The following ADGB variants were observed in gnomAD, a reference collection of about 807,000 sequenced individuals.
ADGB encodes the protein androglobin, also known as calpain-7-like protein.
In ADGB, 172 loss-of-function variants were observed where a neutral mutation model predicts 210.5. The ratio of observed to expected loss-of-function variants is 0.82; its 90% CI spans 0.72 to 0.93. The LOEUF (loss-of-function observed/expected upper bound fraction) is 0.93, where lower values mean the gene tolerates loss of function less well. ADGB is among the 40% of genes least tolerant of loss of function. ADGB has a pLI of 0.00. For missense variants in ADGB, 2,025 were observed against 1,964.8 expected (o/e 1.03, Z -0.58); for synonymous variants, 658 against 662.7 (o/e 0.99, Z 0.11).
intron 1 of ADGB, among the ~76,000 whole-genome samples, chr6:146,600,093 T>C (rs973146677): frequency 6.6e-6 from 1 of 152,152 alleles, no homozygotes; most frequent in Non-Finnish European, 1.5e-5. Context: ...CCCAGACTCA[T>C]TCCCATGTCT....
chr6:146,669,410 C>T (rs577042944), intron 7 of ADGB, among the ~76,000 whole-genome samples: 10 of 152,004 alleles, frequency 6.6e-5, no homozygotes, highest in Non-Finnish European at 1.0e-4. Flanking sequence ...CTCAACTCCC[C>T]GTTTCTTCTC....
intron 10 of ADGB, among the ~76,000 whole-genome samples, chr6:146,686,427 T>A (rs1776234950): frequency 1.3e-5 from 2 of 152,104 alleles, no homozygotes; most frequent in South Asian, 2.1e-4. Context: ...GCATATATAC[T>A]CTGATTTTTC....
intron 19 of ADGB, 131 bp downstream of exon 19, chr6:146,726,328 T>C (rs562683269): frequency 2.7e-4 from 147 of 542,016 alleles, no homozygotes; most frequent in Non-Finnish European, 1.6e-4. Flanking sequence ...TTCAAGCAAT[T>C]CTCCTTGCCT....
chr6:146,790,421 C>T (rs946688133), intron 33 of ADGB, among the ~76,000 whole-genome samples: 2 of 152,150 alleles, frequency 1.3e-5, no homozygotes, highest in Non-Finnish European at 2.9e-5. Context: ...TTAGATTCCA[C>T]ATATAAATGA....
chr6:146,650,534 G>GTT lies in ADGB; in HGVS notation c.331-3591_331-3590dup, dbSNP rs60334118. ...AGGTAAACTAGAAAATAATTCACAT[G>GTT]TTTTTTTTTTTCCTGCACAAAGCTT... On this transcript the variant is annotated intron_variant, in intron 3 of 35. Transcript: ENST00000397944. Among the ~76,000 whole-genome samples, 422 of 99,818 alleles carry GTT rather than the reference G, an allele frequency of 4.2e-3. 1 individual carries two copies. Among genetic ancestry groups the GTT allele is most frequent in the Non-Finnish European group, 6.8e-3 (355 of 52,226 alleles). 65.5% of individuals were successfully genotyped at this position (99,818 alleles called of 152,430 possible).
intron 27 of ADGB, among the ~76,000 whole-genome samples, chr6:146,760,124 A>G (rs1236095706): frequency 6.6e-6 from 1 of 151,858 alleles, no homozygotes; most frequent in Non-Finnish European, 1.5e-5. Context: ...TTAATTTTTT[A>G]TTAAAGTATA....
intron 33 of ADGB, among the ~76,000 whole-genome samples, chr6:146,800,264 A>G (rs888306637): frequency 3.9e-5 from 6 of 152,180 alleles, no homozygotes; most frequent in Non-Finnish European, 5.9e-5. Flanking sequence ...GAATTTTACC[A>G]TATGACCCAG....
intron 16 of ADGB, among the ~76,000 whole-genome samples, chr6:146,721,081 G>T (rs190399371): frequency 2.6e-5 from 4 of 152,236 alleles, no homozygotes; most frequent in Admixed American, 6.5e-5. Flanking sequence ...GTACTACTCT[G>T]CCCTGGGCTC....
chr6:146,773,671 A>G (rs919728241), intron 29 of ADGB, among the ~76,000 whole-genome samples: 1 of 152,188 alleles, frequency 6.6e-6, no homozygotes, highest in African/African-American at 2.4e-5. Context: ...CTAAGTTTGC[A>G]TAGGTTCGAA....
At chr6:146,772,439 C>A (rs1777664394) in intron 29 of ADGB, among the ~76,000 whole-genome samples, 1 of 126,080 alleles carries the variant, frequency 7.9e-6, no homozygotes, top group African/African-American at 2.8e-5. Context: ...ATATATATCA[C>A]ACAGCTGGTT....
At chr6:146,717,686 T>A (rs1776755457) in intron 16 of ADGB, 87 bp downstream of exon 16, 2 of 650,268 alleles carry the variant, frequency 3.1e-6, no homozygotes, top group Non-Finnish European at 4.9e-6. Flanking sequence ...CTCAAAACAT[T>A]TCTAAACTTG....
chr6:146,669,681 G>A (rs1775980487), intron 7 of ADGB, among the ~76,000 whole-genome samples: 1 of 152,008 alleles, frequency 6.6e-6, no homozygotes, highest in Non-Finnish European at 1.5e-5. Flanking sequence ...CTCAACCACA[G>A]TACAGCTACT....
intron 25 of ADGB, among the ~76,000 whole-genome samples, chr6:146,741,491 C>T (rs1231297869): frequency 4.6e-5 from 7 of 151,834 alleles, no homozygotes; most frequent in African/African-American, 1.7e-4. Context: ...CTTCTTCTTC[C>T]GAAAGAAAAT....
chr6:146,799,785 C>G (rs1172549452), intron 33 of ADGB, among the ~76,000 whole-genome samples: 1 of 151,954 alleles, frequency 6.6e-6, no homozygotes, highest in Admixed American at 6.6e-5. Flanking sequence ...TACTGTGAAA[C>G]GTAAAACTGT....
At chr6:146,813,628 TCG>T (rs1490103386) in intron 35 of ADGB, among the ~76,000 whole-genome samples, 1 of 132,420 alleles carries the variant, frequency 7.6e-6, no homozygotes, top group African/African-American at 2.7e-5. Context: ...AATGTCTGTT[TCG>T]CAAAAGTTTG....
At chr6:146,801,092 A>G (rs774168169) in intron 33 of ADGB, 91 bp from the exon 34 acceptor site, 22 of 552,798 alleles carry the variant, frequency 4.0e-5, no homozygotes, top group Non-Finnish European at 6.4e-5. Context: ...CTGTTGAAAA[A>G]CAACCAATTA....
At position 146,805,686 on chromosome 6, in the gene ADGB, G is replaced by C. The variant is rs534001494; in HGVS notation, c.4818+3675G>C. Among the ~76,000 whole-genome samples, 3 of 152,080 alleles carry C rather than the reference G, an allele frequency of 2.0e-5. No individual in the cohort carries two copies. In the South Asian group the frequency reaches 6.2e-4, roughly 32 times the overall value. ...TTTGACCTCACTCCTCTCTCTTCCT[G>C]GAATATTCTTTCCCCAAAGTGTAGA... On this transcript the variant is annotated intron_variant, in intron 35 of 35. Coordinates refer to ENST00000397944, the MANE Select transcript of ADGB (RefSeq NM_024694.4).
intron 5 of ADGB, among the ~76,000 whole-genome samples, chr6:146,660,284 T>C (rs1329260013): frequency 2.0e-5 from 3 of 152,208 alleles, no homozygotes; most frequent in African/African-American, 7.2e-5. Context: ...TATCATTCAA[T>C]TACTTTGTTC....
At chr6:146,726,765 A>C (rs1776901203) in intron 19 of ADGB, among the ~76,000 whole-genome samples, 1 of 152,122 alleles carries the variant, frequency 6.6e-6, no homozygotes, top group Admixed American at 6.5e-5. Flanking sequence ...CATATCTGTT[A>C]ATATCTTAGT....
Sources: allele counts gnomAD v4.1 joint callset (sites outside exome capture counted in the v4.1 genomes callset), GRCh38; gene constraint gnomAD v4.1.1; transcripts MANE v1.5; gene names NCBI Gene and HGNC (gene_info 2026-07-23, HGNC 2026-07-21).